SLC25A26: variants seen among roughly 807,000 people sequenced by gnomAD.
SLC25A26 encodes the protein solute carrier family 25 member 26.
Under a neutral mutation model 37.8 loss-of-function variants are expected in SLC25A26, and 36 were observed. The observed-to-expected ratio is 0.95, with a 90% CI of 0.73 to 1.26. The LOEUF is 1.26. SLC25A26 is among the 50% of genes most tolerant of loss of function. SLC25A26 has a pLI of 0.00. For missense variants in SLC25A26, 390 were observed against 331.1 expected (o/e 1.18, Z -1.38); for synonymous variants, 129 against 122.5 (o/e 1.05, Z -0.35).
At chr3:66,308,176 T>A (rs2075279251) in intron 5 of SLC25A26, among the ~76,000 whole-genome samples, 1 of 152,200 alleles carries the variant, frequency 6.6e-6, no homozygotes, top group African/African-American at 2.4e-5. Flanking sequence ...TCTTATTTTC[T>A]TGAGCAGTAA....
intron 1 of SLC25A26, 41 bp downstream of exon 1, chr3:66,221,168 C>T (rs2071471729): frequency 2.0e-6 from 3 of 1,498,736 alleles, no homozygotes; most frequent in Non-Finnish European, 2.7e-6. Context: ...AGAGTGCCGG[C>T]GTCCGGCATT....
intron 1 of SLC25A26, among the ~76,000 whole-genome samples, chr3:66,175,423 C>A (rs557327215): frequency 4.6e-5 from 7 of 151,962 alleles, no homozygotes; most frequent in African/African-American, 1.7e-4. Flanking sequence ...CACAGTTTCG[C>A]CATGTTGCCC....
intron 5 of SLC25A26, among the ~76,000 whole-genome samples, chr3:66,314,264 A>T (rs939885177): frequency 2.6e-5 from 4 of 152,066 alleles, no homozygotes; most frequent in African/African-American, 9.7e-5. Flanking sequence ...TTTGTCCTGT[A>T]TAGCTCTTAT....
chr3:66,248,336 A>G (rs1257132143), intron 3 of SLC25A26, among the ~76,000 whole-genome samples: 1 of 152,210 alleles, frequency 6.6e-6, no homozygotes, highest in African/African-American at 2.4e-5. Context: ...TTTATTAGGA[A>G]GATTGCTGTG....
intron 3 of SLC25A26, among the ~76,000 whole-genome samples, chr3:66,246,095 C>T (rs553380976): frequency 6.6e-6 from 1 of 152,286 alleles, no homozygotes; most frequent in South Asian, 2.1e-4. Context: ...TGACTTTTTT[C>T]AGCTAGTGTA....
chr3:66,259,024 C>A (rs180837717), intron 3 of SLC25A26, among the ~76,000 whole-genome samples: 4 of 152,068 alleles, frequency 2.6e-5, no homozygotes, highest in African/African-American at 9.7e-5. Context: ...AGAATCAGAC[C>A]CCTGGACGGG....
At chr3:66,359,735 G>GA (rs2076655507) in intron 6 of SLC25A26, among the ~76,000 whole-genome samples, 1 of 152,078 alleles carries the variant, frequency 6.6e-6, no homozygotes, top group Non-Finnish European at 1.5e-5. Context: ...AGGAGCTCTG[G>GA]AAAAAATAAT....
At chr3:66,243,619 T>TA (rs1435899956) in intron 3 of SLC25A26, among the ~76,000 whole-genome samples, 2 of 152,242 alleles carry the variant, frequency 1.3e-5, no homozygotes, top group Admixed American at 6.5e-5. Flanking sequence ...GACAGCTTTG[T>TA]ATTGTGTCGG....
intron 6 of SLC25A26, among the ~76,000 whole-genome samples, chr3:66,356,643 T>A (rs939151092): frequency 4.6e-5 from 7 of 152,136 alleles, no homozygotes; most frequent in African/African-American, 1.4e-4. Context: ...TATTATTATT[T>A]TTTGAGATAG....
intron 5 of SLC25A26, among the ~76,000 whole-genome samples, chr3:66,335,832 T>G (rs1477558134): frequency 6.6e-6 from 1 of 152,160 alleles, no homozygotes; most frequent in African/African-American, 2.4e-5. Flanking sequence ...GTTGCCATCT[T>G]TTGTTAACAG....
intron 5 of SLC25A26, among the ~76,000 whole-genome samples, chr3:66,266,146 T>A (rs1335348143): frequency 7.1e-6 from 1 of 140,882 alleles, no homozygotes; most frequent in Non-Finnish European, 1.5e-5. Context: ...TTAATTGAGG[T>A]CTTCTGCATT....
At chr3:66,287,858 A>G (rs1181800720) in intron 5 of SLC25A26, among the ~76,000 whole-genome samples, 1 of 152,230 alleles carries the variant, frequency 6.6e-6, no homozygotes, top group East Asian at 1.9e-4. Flanking sequence ...AACTCTAAAA[A>G]TCATGGAATT....
At chr3:66,250,053 T>C (rs2073019856) in intron 3 of SLC25A26, among the ~76,000 whole-genome samples, 1 of 152,238 alleles carries the variant, frequency 6.6e-6, no homozygotes, top group African/African-American at 2.4e-5. Flanking sequence ...AGGCAGACTT[T>C]TAAATTCCTT....
chr3:66,251,148 T>C (rs1489410839), intron 3 of SLC25A26, among the ~76,000 whole-genome samples: 1 of 152,168 alleles, frequency 6.6e-6, no homozygotes, highest in East Asian at 1.9e-4. Flanking sequence ...AGGGTCACCC[T>C]GAGGCGAAGC....
At chr3:66,373,765 A>G (rs1700484267) in intron 9 of SLC25A26, among the ~76,000 whole-genome samples, 1 of 150,176 alleles carries the variant, frequency 6.7e-6, no homozygotes, top group Non-Finnish European at 1.5e-5. Flanking sequence ...CCTTAATTTT[A>G]TGTGCAGTAT....
intron 1 of SLC25A26, among the ~76,000 whole-genome samples, chr3:66,180,285 T>C (rs1180258903): frequency 6.6e-6 from 1 of 152,234 alleles, no homozygotes; most frequent in Non-Finnish European, 1.5e-5. Context: ...TTTTGCATGC[T>C]GCAAATCTTT....
At chr3:66,200,592 C>A (rs2071096436) in intron 1 of SLC25A26, among the ~76,000 whole-genome samples, 1 of 152,154 alleles carries the variant, frequency 6.6e-6, no homozygotes, top group Non-Finnish European at 1.5e-5. Context: ...CACATATTAG[C>A]CATACCTTAT....
At chr3:66,240,199 TC>T (rs1186710278) in intron 2 of SLC25A26, among the ~76,000 whole-genome samples, 2 of 152,202 alleles carry the variant, frequency 1.3e-5, no homozygotes, top group African/African-American at 4.8e-5. Context: ...ACACCTGAAC[TC>T]ACTATAATAG....
chr3:66,235,612 C>T (rs144389054), intron 1 of SLC25A26, among the ~76,000 whole-genome samples: 17 of 152,160 alleles, frequency 1.1e-4, no homozygotes, highest in African/African-American at 4.1e-4. Flanking sequence ...TTCAAAATTC[C>T]AGTCTGAAAG....
Sources: allele counts gnomAD v4.1 joint callset (sites outside exome capture counted in the v4.1 genomes callset), GRCh38; gene constraint gnomAD v4.1.1; transcripts MANE v1.5; gene names NCBI Gene and HGNC (gene_info 2026-07-23, HGNC 2026-07-21).